GUCY1A1: variants seen among roughly 807,000 people sequenced by gnomAD.
GUCY1A1 encodes guanylate cyclase 1 soluble subunit alpha 1.
Under a neutral mutation model 64.5 loss-of-function variants are expected in GUCY1A1, and 48 were observed. The ratio of observed to expected loss-of-function variants is 0.74; its 90% CI spans 0.59 to 0.95. GUCY1A1 has a LOEUF of 0.95. Among genes scored for constraint, GUCY1A1 ranks in the 40% least tolerant of loss-of-function variants. The pLI is 0.00. For missense variants in GUCY1A1, 804 were observed against 825.3 expected, an observed-to-expected ratio of 0.97 and a Z score of 0.32; for synonymous variants, 308 against 303.4, an observed-to-expected ratio of 1.02 and a Z score of -0.16.
intron 9 of GUCY1A1, among the ~76,000 whole-genome samples, chr4:155,722,826 G>A (rs945183817): frequency 3.3e-5 from 5 of 152,124 alleles, no homozygotes; most frequent in African/African-American, 1.2e-4. Context: ...CAAATGCAGA[G>A]CTTCCATAGA....
At chr4:155,724,269 T>G (rs376608320) in intron 9 of GUCY1A1, among the ~76,000 whole-genome samples, 62 of 152,276 alleles carry the variant, frequency 4.1e-4, no homozygotes, top group Non-Finnish European at 3.2e-4. Context: ...ATGAAATGAT[T>G]ATTCCCAACA....
chr4:155,703,270 A>C (rs1215475076), intron 3 of GUCY1A1, among the ~76,000 whole-genome samples: 1 of 152,224 alleles, frequency 6.6e-6, no homozygotes, highest in Non-Finnish European at 1.5e-5. Context: ...GAGGATTATT[A>C]GTTCAAAGAA....
At chr4:155,681,965 A>G (rs1735833481) in intron 2 of GUCY1A1, among the ~76,000 whole-genome samples, 1 of 152,182 alleles carries the variant, frequency 6.6e-6, no homozygotes, top group Non-Finnish European at 1.5e-5. Context: ...TCTCAGGCCT[A>G]CTGCTCTGTT....
At chr4:155,717,063 G>A in intron 7 of GUCY1A1, 96 bp from the exon 8 acceptor site, 1 of 896,860 alleles carries the variant, frequency 1.1e-6, no homozygotes, top group Non-Finnish European at 1.6e-6. Flanking sequence ...CCTGAGCAAT[G>A]AGAATTCTGC....
chr4:155,678,255 T>C (rs1407180177), intron 2 of GUCY1A1, among the ~76,000 whole-genome samples: 1 of 152,160 alleles, frequency 6.6e-6, no homozygotes, highest in African/African-American at 2.4e-5. Flanking sequence ...ATGAAAAAGG[T>C]GCATAATATT....
At chr4:155,708,851 A>G (rs528494683) in intron 5 of GUCY1A1, among the ~76,000 whole-genome samples, 2 of 152,290 alleles carry the variant, frequency 1.3e-5, no homozygotes, top group African/African-American at 4.8e-5. Context: ...TATTCTGAAT[A>G]TAAGCCCCAC....
chr4:155,696,059 A>G (rs532425112), intron 2 of GUCY1A1, among the ~76,000 whole-genome samples: 1 of 152,276 alleles, frequency 6.6e-6, no homozygotes, highest in African/African-American at 2.4e-5. Context: ...GACTCACCGC[A>G]GTCTAGATTT....
intron 2 of GUCY1A1, among the ~76,000 whole-genome samples, chr4:155,681,977 C>A (rs527634042): frequency 6.6e-6 from 1 of 152,318 alleles, no homozygotes; most frequent in Admixed American, 6.5e-5. Context: ...TGCTCTGTTT[C>A]TGTTACCTGT....
intron 8 of GUCY1A1, among the ~76,000 whole-genome samples, chr4:155,719,153 T>C (rs1733642800): frequency 6.6e-6 from 1 of 152,188 alleles, no homozygotes; most frequent in Admixed American, 6.6e-5. Flanking sequence ...TAGATTTTTC[T>C]AAGTTGGAAG....
chr4:155,676,574 T>C (rs984477213), intron 2 of GUCY1A1, among the ~76,000 whole-genome samples: 22 of 151,554 alleles, frequency 1.5e-4, no homozygotes, highest in Non-Finnish European at 2.9e-4. Context: ...CCTTGATAAA[T>C]ACTAATTGGC....
intron 3 of GUCY1A1, among the ~76,000 whole-genome samples, chr4:155,701,701 G>T (rs1560938733): frequency 1.3e-5 from 2 of 151,982 alleles, no homozygotes; most frequent in Admixed American, 1.3e-4. Context: ...CTACTTGGGA[G>T]GCTGAGGCAA....
chr4:155,677,080 T>A (rs181673663), intron 2 of GUCY1A1, among the ~76,000 whole-genome samples: 1 of 152,026 alleles, frequency 6.6e-6, no homozygotes, highest in Non-Finnish European at 1.5e-5. Flanking sequence ...TGGATTGTTT[T>A]TATTTCTTTG....
At chr4:155,713,625 C>A in intron 7 of GUCY1A1, 42 bp downstream of exon 7, 1 of 1,589,360 alleles carries the variant, frequency 6.3e-7, no homozygotes, top group Non-Finnish European at 8.6e-7. Flanking sequence ...CCAGCAAACT[C>A]ACTGGGGAAC....
intron 3 of GUCY1A1, among the ~76,000 whole-genome samples, chr4:155,698,886 T>A (rs1274856117): frequency 6.6e-6 from 1 of 152,204 alleles, no homozygotes; most frequent in Admixed American, 6.5e-5. Flanking sequence ...CATTCCAGAA[T>A]TTTTACTTGG....
intron 2 of GUCY1A1, among the ~76,000 whole-genome samples, chr4:155,696,441 C>T (rs1178562044): frequency 6.6e-6 from 1 of 151,828 alleles, no homozygotes; most frequent in Non-Finnish European, 1.5e-5. Context: ...GTGTTCCACT[C>T]TTGTGAAATC....
In GUCY1A1 at chr4:155,696,813, T is replaced by A. The variant is rs1026461183; in HGVS notation, c.-55T>A. 9.7e-5 allele frequency: 151 copies of A among 1,557,112 alleles called. No individual in the cohort carries two copies. The highest frequency in any genetic ancestry group is 1.3e-4 in the Non-Finnish European group (145 of 1,134,324). On this transcript the variant is annotated 5_prime_UTR_variant, in exon 3 of 10. Coordinates refer to ENST00000506455, the MANE Select transcript of GUCY1A1 (RefSeq NM_001130682.3). ...GTGGCTTCTGTTTGTCAGTCTCATA[T>A]AAGAACTACAGCTCATCAGGAGGAG...
intron 2 of GUCY1A1, among the ~76,000 whole-genome samples, chr4:155,685,417 C>A (rs1216444209): frequency 6.6e-6 from 1 of 151,980 alleles, no homozygotes; most frequent in Admixed American, 6.5e-5. Context: ...GGTTGTGCTC[C>A]AATAAAAGTT....
At chr4:155,688,249 A>G (rs1247453567) in intron 2 of GUCY1A1, among the ~76,000 whole-genome samples, 1 of 151,980 alleles carries the variant, frequency 6.6e-6, no homozygotes, top group Non-Finnish European at 1.5e-5. Flanking sequence ...ACAAAAAAAA[A>G]AAAAAACTCA....
chr4:155,675,950 C>G (rs1578998719), intron 2 of GUCY1A1, among the ~76,000 whole-genome samples: 1 of 151,448 alleles, frequency 6.6e-6, no homozygotes, highest in Admixed American at 6.6e-5. Flanking sequence ...ACAAAAATTG[C>G]TCTCCCACTT....
Sources: gnomAD v4.1 joint callset for allele counts (sites outside exome capture counted in the v4.1 genomes callset) on GRCh38, gnomAD v4.1.1 for gene constraint, MANE v1.5 for transcripts, NCBI Gene and HGNC (gene_info 2026-07-23, HGNC 2026-07-21) for gene names.